WWOX: variants seen among roughly 807,000 people sequenced by gnomAD.
WWOX encodes WW domain-containing oxidoreductase.
WWOX carries 69 observed loss-of-function variants against 46.2 expected under a neutral mutation model. That is an observed-to-expected ratio of 1.49 (90% CI 1.23 to 1.82). The LOEUF is 1.82. Among genes scored for constraint, WWOX ranks in the 40% most tolerant of loss-of-function variants. The probability of loss-of-function intolerance (pLI) is 0.00; values close to 1 mark genes in which losing one functional copy is unlikely to be tolerated. For missense variants in WWOX, 919 were observed against 542.6 expected, an observed-to-expected ratio of 1.69 and a Z score of -6.89; for synonymous variants, 359 against 202.6, an observed-to-expected ratio of 1.77 and a Z score of -6.56.
chr16:78,553,481 T>G (rs1307249726), intron 8 of WWOX, among the ~76,000 whole-genome samples: 2 of 151,644 alleles, frequency 1.3e-5, no homozygotes, highest in Non-Finnish European at 2.9e-5. Context: ...ATAAAGCCAG[T>G]GGTGAGGGTG....
chr16:78,596,507 A>G (rs1338639021), intron 8 of WWOX, among the ~76,000 whole-genome samples: 1 of 151,810 alleles, frequency 6.6e-6, no homozygotes, highest in Non-Finnish European at 1.5e-5. Flanking sequence ...GACTTCCAAG[A>G]TTGAGGTTGG....
intron 8 of WWOX, among the ~76,000 whole-genome samples, chr16:78,951,836 C>T (rs770198242): frequency 1.3e-5 from 2 of 152,118 alleles, no homozygotes; most frequent in Non-Finnish European, 2.9e-5. Context: ...AGAGGCAGTT[C>T]CTGGCACCAG....
In WWOX at chr16:78,634,837, A is replaced by AGT. The variant is rs59374463; in HGVS notation, c.1056+202121_1056+202122dup. Among the ~76,000 whole-genome samples, 480 of 111,772 alleles carry AGT rather than the reference A, an allele frequency of 4.3e-3. 1 individual carries two copies. Among genetic ancestry groups the AGT allele is most frequent in the Non-Finnish European group, 5.7e-3 (302 of 52,938 alleles). 73.3% of individuals were successfully genotyped at this position (111,772 alleles called of 152,430 possible). ...GAGAGAGAGAGAGAGAGAGAGAGAG[A>AGT]GTGTGTGTGTGTGTGTGTGTGTGTG... On this transcript the variant is annotated intron_variant, in intron 8 of 8. Coordinates refer to ENST00000566780, the MANE Select transcript of WWOX (RefSeq NM_016373.4).
chr16:78,982,901 G>C (rs928714855), intron 8 of WWOX, among the ~76,000 whole-genome samples: 11 of 152,136 alleles, frequency 7.2e-5, no homozygotes, highest in Non-Finnish European at 1.6e-4. Context: ...TGGTGATGTT[G>C]TGAACAGTGC....
chr16:78,292,032 G>A (rs138179042), intron 5 of WWOX, among the ~76,000 whole-genome samples: 4 of 147,100 alleles, frequency 2.7e-5, no homozygotes, highest in Non-Finnish European at 6.0e-5. Flanking sequence ...CCTGTTTTTT[G>A]TATGGCTTAT....
intron 8 of WWOX, among the ~76,000 whole-genome samples, chr16:78,443,135 CAAAAAAAAA>C (rs759618827): frequency 9.9e-5 from 4 of 40,294 alleles, no homozygotes; most frequent in Admixed American, 6.4e-4. Context: ...GACTCCATCT[CAAAAAAAAA>C]AAAAAAAAAA....
intron 8 of WWOX, among the ~76,000 whole-genome samples, chr16:78,650,871 A>G (rs559820270): frequency 6.6e-6 from 1 of 152,320 alleles, no homozygotes; most frequent in South Asian, 2.1e-4. Context: ...GATTTATATT[A>G]TTGCTTACTT....
At chr16:78,236,921 A>G (rs557481439) in intron 5 of WWOX, among the ~76,000 whole-genome samples, 2 of 152,128 alleles carry the variant, frequency 1.3e-5, no homozygotes, top group South Asian at 4.2e-4. Context: ...CTAAAAATAC[A>G]AAAGTTAGCC....
At chr16:78,610,727 T>G (rs923337822) in intron 8 of WWOX, among the ~76,000 whole-genome samples, 1 of 152,126 alleles carries the variant, frequency 6.6e-6, no homozygotes, top group Non-Finnish European at 1.5e-5. Flanking sequence ...AACTTAGGGA[T>G]GTATCATAAT....
At chr16:78,597,958 C>T (rs373636169) in intron 8 of WWOX, among the ~76,000 whole-genome samples, 2 of 151,990 alleles carry the variant, frequency 1.3e-5, no homozygotes, top group Non-Finnish European at 1.5e-5. Context: ...GCGGTATGCC[C>T]TTTAATAGTG....
intron 8 of WWOX, among the ~76,000 whole-genome samples, chr16:79,078,526 C>T (rs2048702085): frequency 1.3e-5 from 2 of 152,162 alleles, no homozygotes; most frequent in Admixed American, 6.6e-5. Flanking sequence ...GTCCAAACTC[C>T]ATTTTTAACC....
At chr16:78,416,244 C>G (rs750687969) in intron 6 of WWOX, among the ~76,000 whole-genome samples, 22 of 152,166 alleles carry the variant, frequency 1.4e-4, no homozygotes, top group Admixed American at 4.6e-4. Flanking sequence ...ATCTCAGAGC[C>G]TTTTGAATTG....
chr16:78,279,044 T>C lies in WWOX; in HGVS notation c.517-107816T>C, dbSNP rs145491603. ...TAACAAGTTTCTTGGTGACAACTCC[T>C]CCTCCCATTGTCAAGGAAGACTGAG... On this transcript the variant is annotated intron_variant, in intron 5 of 8. Coordinates refer to ENST00000566780, the MANE Select transcript of WWOX (RefSeq NM_016373.4). Among the ~76,000 whole-genome samples the C allele has an allele frequency of 3.4e-3, 520 of 152,294 alleles. 1 individual carries two copies. The highest frequency in any genetic ancestry group is 0.012 in the African/African-American group (488 of 41,566).
intron 5 of WWOX, chr16:78,167,433 A>T (rs938020252): frequency 6.6e-6 from 1 of 152,204 alleles, no homozygotes; most frequent in Non-Finnish European, 1.5e-5. Context: ...TTACTCTAAC[A>T]TGTAGTACCT....
chr16:78,413,552 G>T (rs139008773), intron 6 of WWOX, among the ~76,000 whole-genome samples: 1 of 152,088 alleles, frequency 6.6e-6, no homozygotes, highest in Non-Finnish European at 1.5e-5. Context: ...GATCAGTTAG[G>T]TAGGGACAGA....
At chr16:79,019,470 A>G (rs1395743697) in intron 8 of WWOX, among the ~76,000 whole-genome samples, 2 of 152,134 alleles carry the variant, frequency 1.3e-5, no homozygotes, top group Non-Finnish European at 2.9e-5. Context: ...TAGAAATAGT[A>G]CAGTAAAAAT....
At chr16:78,560,977 C>T (rs1056401112) in intron 8 of WWOX, among the ~76,000 whole-genome samples, 3 of 152,164 alleles carry the variant, frequency 2.0e-5, no homozygotes, top group Admixed American at 6.5e-5. Context: ...ATGTGACTGG[C>T]TTCTCTGCTC....
chr16:78,913,111 G>A (rs1347890081), intron 8 of WWOX, among the ~76,000 whole-genome samples: 2 of 151,956 alleles, frequency 1.3e-5, no homozygotes. Context: ...CTGACATCCT[G>A]CCCTACCTCC....
intron 8 of WWOX, among the ~76,000 whole-genome samples, chr16:78,904,478 C>G (rs143138101): frequency 1.3e-5 from 2 of 151,982 alleles, no homozygotes; most frequent in Admixed American, 6.6e-5. Flanking sequence ...ACCTTGTGAT[C>G]TGCCTGCCCC....
Sources: gnomAD v4.1 joint callset for allele counts (sites outside exome capture counted in the v4.1 genomes callset) on GRCh38, gnomAD v4.1.1 for gene constraint, MANE v1.5 for transcripts, NCBI Gene and HGNC (gene_info 2026-07-23, HGNC 2026-07-21) for gene names.